KLRG1: variants seen among roughly 807,000 people sequenced by gnomAD.
KLRG1 encodes killer cell lectin-like receptor subfamily G member 1.
A neutral mutation model predicts 21.8 loss-of-function variants in KLRG1; 16 were observed. The ratio of observed to expected loss-of-function variants is 0.73; its 90% confidence interval spans 0.50 to 1.11. The LOEUF is 1.11. KLRG1 is among the 50% of genes most tolerant of loss of function. KLRG1 has a pLI of 0.00. For missense variants in KLRG1, 173 were observed against 218.3 expected, an observed-to-expected ratio of 0.79 and a Z score of 1.31; for synonymous variants, 69 against 75.9, an observed-to-expected ratio of 0.91 and a Z score of 0.47.
the KLRG1 span, among the ~76,000 whole-genome samples, chr12:9,046,333 A>G: frequency 6.6e-6 from 1 of 152,228 alleles, no homozygotes; most frequent in African/African-American, 2.4e-5. Context: ...AACAAAAGGA[A>G]TACTTGAAGT....
chr12:9,075,224 T>A, the KLRG1 span, among the ~76,000 whole-genome samples: 1 of 152,066 alleles, frequency 6.6e-6, no homozygotes, highest in Non-Finnish European at 1.5e-5. Flanking sequence ...AATACAGTAA[T>A]CCTTGAAATA....
At chr12:9,030,973 T>G in the KLRG1 span, among the ~76,000 whole-genome samples, 1 of 152,344 alleles carries the variant, frequency 6.6e-6, no homozygotes, top group South Asian at 2.1e-4. Context: ...AGATAGCATC[T>G]CCCGGCAGGG....
chr12:9,126,491 A>G, the KLRG1 span, among the ~76,000 whole-genome samples: 3 of 152,152 alleles, frequency 2.0e-5, no homozygotes, highest in Admixed American at 6.5e-5. Flanking sequence ...AATTTTTTTC[A>G]GAAGAATGCC....
At chr12:9,097,386 T>C in the KLRG1 span, among the ~76,000 whole-genome samples, 2 of 152,176 alleles carry the variant, frequency 1.3e-5, no homozygotes, top group Non-Finnish European at 2.9e-5. Context: ...ATTGGTCTCA[T>C]ATTAAAAATT....
At chr12:9,079,249 G>A in the KLRG1 span, 3 of 1,613,018 alleles carry the variant, frequency 1.9e-6, no homozygotes, top group Non-Finnish European at 2.5e-6. Flanking sequence ...CTTACCAGGT[G>A]TTGCCCTGGT....
At chr12:8,979,363 G>A (rs906872136) in intron 1 of KLRG1, among the ~76,000 whole-genome samples, 2 of 152,056 alleles carry the variant, frequency 1.3e-5, no homozygotes, top group African/African-American at 4.8e-5. Flanking sequence ...TAGTATTCTT[G>A]GTTTAGCTGT....
At chr12:8,977,226 C>T (rs375074978) in intron 1 of KLRG1, among the ~76,000 whole-genome samples, 39 of 146,936 alleles carry the variant, frequency 2.7e-4, no homozygotes, top group South Asian at 8.6e-4. Flanking sequence ...TTTTTTGAGA[C>T]GGAGTCTGGC....
At chr12:8,985,888 G>T (rs1204227281), upstream of KLRG1, among the ~76,000 whole-genome samples, 2 of 152,122 alleles carry the variant, frequency 1.3e-5, no homozygotes, top group Admixed American at 1.3e-4. Context: ...CCAGTAAAGG[G>T]CAGGACCCTC....
chr12:9,072,805 C>G, the KLRG1 span: 1 of 1,614,186 alleles, frequency 6.2e-7, no homozygotes, highest in Admixed American at 1.7e-5. Context: ...ACCTGTGCAG[C>G]CTTCCCAGTC....
chr12:9,006,526 C>T lies in KLRG1; in HGVS notation c.358-2449C>T, dbSNP rs563720356. Among the ~76,000 whole-genome samples, 11 of 152,200 alleles carry T rather than the reference C, an allele frequency of 7.2e-5. No individual in the cohort carries two copies. The East Asian group carries it at 1.5e-3, about 21-fold the overall frequency. On this transcript the variant is annotated intron_variant, in intron 3 of 4. Transcript: ENST00000356986. ...AGGGGCTAGATTGTGTAGGACTGTG[C>T]GTACATAGTAAGGATTTTAGATTTT...
At chr12:9,113,499 G>A in the KLRG1 span, 1 of 1,613,950 alleles carries the variant, frequency 6.2e-7, no homozygotes, top group Non-Finnish European at 8.5e-7. Context: ...GCCCTTCTCA[G>A]TGGTCTCAGT....
chr12:9,176,802 G>T, the KLRG1 span, among the ~76,000 whole-genome samples: 1 of 152,206 alleles, frequency 6.6e-6, no homozygotes, highest in Non-Finnish European at 1.5e-5. Context: ...TTCTATGCCA[G>T]TTCCACCATT....
the KLRG1 span, among the ~76,000 whole-genome samples, chr12:9,047,001 C>T: frequency 2.0e-5 from 3 of 152,106 alleles, no homozygotes; most frequent in East Asian, 1.9e-4. Context: ...ACTACAGGCA[C>T]GTGCCACCAT....
At chr12:9,110,423 A>AT in the KLRG1 span, 3 of 745,400 alleles carry the variant, frequency 4.0e-6, no homozygotes, top group East Asian at 8.8e-5. Context: ...ATTTGCTAGC[A>AT]TAACAGGGTG....
the KLRG1 span, chr12:9,200,302 CTACA>C: frequency 8.8e-7 from 1 of 1,140,872 alleles, no homozygotes. Flanking sequence ...AATTTTGTAC[CTACA>C]TAATCCCTCA....
the KLRG1 span, among the ~76,000 whole-genome samples, chr12:9,173,508 C>A: frequency 6.6e-6 from 1 of 151,648 alleles, no homozygotes. Context: ...ACATGAAAAA[C>A]CCTCTTAAAA....
chr12:9,116,070 G>A, the KLRG1 span: 4 of 536,454 alleles, frequency 7.5e-6, no homozygotes, highest in East Asian at 3.7e-5. Flanking sequence ...AATTCCTGGC[G>A]GGCTAAATAG....
chr12:8,964,772 T>A (rs1462890071), intron 1 of KLRG1, among the ~76,000 whole-genome samples: 28 of 151,064 alleles, frequency 1.9e-4, no homozygotes, highest in African/African-American at 6.3e-4. Flanking sequence ...GTTGAATTGA[T>A]CCCTTTACCA....
intron 3 of KLRG1, among the ~76,000 whole-genome samples, chr12:9,002,481 C>A (rs1947333541): frequency 6.6e-6 from 1 of 152,158 alleles, no homozygotes; most frequent in Non-Finnish European, 1.5e-5. Flanking sequence ...GCAAACATTA[C>A]AAACTCTAAG....
Sources: gnomAD v4.1 joint callset for allele counts (sites outside exome capture counted in the v4.1 genomes callset) on GRCh38, gnomAD v4.1.1 for gene constraint, MANE v1.5 for transcripts, NCBI Gene and HGNC (gene_info 2026-07-23, HGNC 2026-07-21) for gene names.